The following TNPO1 variants were observed in gnomAD, a reference collection of about 807,000 sequenced individuals.
TNPO1 encodes the protein transportin-1.
In TNPO1, 8 loss-of-function variants were observed where a neutral mutation model predicts 119.5. The ratio of observed to expected loss-of-function variants is 0.07; its 90% CI spans 0.04 to 0.12. The LOEUF is 0.12. TNPO1 is among the 10% of genes least tolerant of loss of function. TNPO1 has a pLI of 1.00. For missense variants in TNPO1, 576 were observed against 1,089.8 expected, an observed-to-expected ratio of 0.53 and a Z score of 6.64; for synonymous variants, 362 against 363.0, an observed-to-expected ratio of 1.00 and a Z score of 0.03.
At chr5:72,884,237 C>A (rs1191259808) in intron 11 of TNPO1, among the ~76,000 whole-genome samples, 1 of 152,080 alleles carries the variant, frequency 6.6e-6, no homozygotes, top group Non-Finnish European at 1.5e-5. Flanking sequence ...TTTATTATCT[C>A]TTTATTATTA....
chr5:72,913,966 TG>T lies in TNPO1; in HGVS notation c.*5296del, dbSNP rs1336138799. 11 of 152,568 alleles carry T rather than the reference TG, an allele frequency of 7.2e-5. No homozygotes were observed. Among genetic ancestry groups the T allele is most frequent in the Admixed American group, 3.3e-4 (5 of 15,276 alleles). 9.5% of individuals were successfully genotyped at this position (152,568 alleles called of 1,614,324 possible). ...AGTTTTACACTTAATATGTTAACATTGGGTGCAATAATTTAGTAGCATTAGC... is the reference window on the plus strand; with the variant it reads ...AGTTTTACACTTAATATGTTAACATTGGTGCAATAATTTAGTAGCATTAGC... On this transcript the variant is annotated 3_prime_UTR_variant, in exon 25 of 25. Coordinates refer to ENST00000337273, the MANE Select transcript of TNPO1 (RefSeq NM_002270.4).
chr5:72,877,009 G>T lies in TNPO1; in HGVS notation c.802-219G>T, dbSNP rs1232376234. Among the ~76,000 whole-genome samples, 3 of 150,094 alleles carry T rather than the reference G, an allele frequency of 2.0e-5. No individual in the cohort carries two copies. In the East Asian group the frequency reaches 5.9e-4, roughly 29 times the overall value. ...ATTCGGGAGGCTGAGGCAGGAGAAT[G>T]GCATGAACCCAGGAGGCAGAGCTTG... On this transcript the variant is annotated intron_variant, in intron 8 of 24. Coordinates refer to ENST00000337273, the MANE Select transcript of TNPO1 (RefSeq NM_002270.4).
intron 3 of TNPO1, among the ~76,000 whole-genome samples, chr5:72,855,161 A>G (rs1378915427): frequency 6.6e-6 from 1 of 151,866 alleles, no homozygotes; most frequent in African/African-American, 2.4e-5. Flanking sequence ...ATGCCTGGCT[A>G]ATTTGGGGGT....
At position 72,910,978 on chromosome 5, in the gene TNPO1, C is replaced by G. The variant is rs1296967745; in HGVS notation, c.*2305C>G. On this transcript the variant is annotated 3_prime_UTR_variant, in exon 25 of 25. Coordinates refer to ENST00000337273, the MANE Select transcript of TNPO1 (RefSeq NM_002270.4). ...ATTTTGTTTTCTAGTACCATTGCTT[C>G]ACTGGGAGCTCAAAATTTGCCTCCC... is the stretch of plus-strand genomic sequence containing the variant. 2.6e-5 allele frequency: 4 copies of G among 152,044 alleles called. No individual in the cohort carries two copies. Among genetic ancestry groups the G allele is most frequent in the Non-Finnish European group, 5.9e-5 (4 of 67,944 alleles). The allele number at this position is 152,044 out of a possible 1,614,324, so 9.4% of individuals were successfully genotyped here. A position where few individuals can be genotyped will look rare whatever the true frequency, so the allele number is the denominator to read the frequency against.
chr5:72,830,927 G>T (rs1172518377), intron 1 of TNPO1, among the ~76,000 whole-genome samples: 1 of 152,094 alleles, frequency 6.6e-6, no homozygotes, highest in Non-Finnish European at 1.5e-5. Context: ...GTCATGAATG[G>T]TATCTACCTT....
rs1189135044 is a variant in TNPO1, at chr5:72,863,502, G to C, written c.462+1588G>C. Among the ~76,000 whole-genome samples the C allele has an allele frequency of 2.0e-5, 3 of 152,254 alleles. No homozygotes were observed. The East Asian group carries it at 5.8e-4, about 29-fold the overall frequency. On this transcript the variant is annotated intron_variant, in intron 5 of 24. Coordinates refer to ENST00000337273, the MANE Select transcript of TNPO1 (RefSeq NM_002270.4). ...CAGGAGGCTGTGGTGGCTCACACCT[G>C]TAATCCCAGCACTTTGGGAGACTGA...
Position 72,908,945 on chromosome 5 carries a change from G to GAA in TNPO1, c.*272_*273insAA. On this transcript the variant is annotated 3_prime_UTR_variant, in exon 25 of 25. Coordinates refer to ENST00000337273, the MANE Select transcript of TNPO1 (RefSeq NM_002270.4). ...ACAACTCCGCAGTGGATGTGAAGAAGCAAAAAAAAAAAAATCTATTCAGTC... is the reference window on the plus strand; with the variant it reads ...ACAACTCCGCAGTGGATGTGAAGAAGAACAAAAAAAAAAAAATCTATTCAGTC... 3 of 408,930 alleles carry GAA rather than the reference G, an allele frequency of 7.3e-6. No individual in the cohort carries two copies. Among genetic ancestry groups the GAA allele is most frequent in the South Asian group, 1.8e-5 (1 of 56,738 alleles). The allele number at this position is 408,930 out of a possible 1,614,324, so 25.3% of individuals were successfully genotyped here.
chr5:72,852,731 G>C (rs1047709450), intron 3 of TNPO1, among the ~76,000 whole-genome samples: 5 of 152,182 alleles, frequency 3.3e-5, no homozygotes, highest in Non-Finnish European at 5.9e-5. Context: ...CTTGCACGGT[G>C]ATTTCTTTTG....
chr5:72,869,265 G>A (rs1379191642), intron 6 of TNPO1, among the ~76,000 whole-genome samples: 3 of 152,048 alleles, frequency 2.0e-5, no homozygotes. Context: ...AATAATAAAT[G>A]GCAGGGCGTA....
chr5:72,895,158 A>C (rs1416962853), intron 18 of TNPO1, among the ~76,000 whole-genome samples: 1 of 152,068 alleles, frequency 6.6e-6, no homozygotes, highest in Non-Finnish European at 1.5e-5. Flanking sequence ...CATGTTTTTT[A>C]TTCTAAAGAG....
intron 10 of TNPO1, 87 bp downstream of exon 10, chr5:72,882,614 A>G (rs1748326488): frequency 2.3e-6 from 2 of 861,706 alleles, no homozygotes; most frequent in Non-Finnish European, 3.7e-6. Flanking sequence ...ACATTCATTG[A>G]GAATAGATCT....
intron 14 of TNPO1, 123 bp downstream of exon 14, chr5:72,890,080 A>G: frequency 1.9e-6 from 2 of 1,057,286 alleles, no homozygotes; most frequent in Non-Finnish European, 2.8e-6. Flanking sequence ...TAGCTACTTT[A>G]AGAGTATAGA....
chr5:72,844,738 T>C (rs1230738399), intron 1 of TNPO1, among the ~76,000 whole-genome samples: 3 of 152,204 alleles, frequency 2.0e-5, no homozygotes, highest in African/African-American at 7.2e-5. Context: ...TCACTGCTAC[T>C]AAGTGGAAGA....
intron 11 of TNPO1, among the ~76,000 whole-genome samples, chr5:72,883,842 T>A (rs1051408311): frequency 6.6e-6 from 1 of 152,138 alleles, no homozygotes; most frequent in Non-Finnish European, 1.5e-5. Flanking sequence ...CTCCCTGGGC[T>A]CTGGTGATCC....
chr5:72,907,421 C>A (rs1285895566), intron 24 of TNPO1, among the ~76,000 whole-genome samples: 3 of 152,040 alleles, frequency 2.0e-5, no homozygotes, highest in Non-Finnish European at 2.9e-5. Flanking sequence ...CCTTTTTGTA[C>A]TCCTCTTCCT....
At chr5:72,835,941 G>C (rs1156364511) in intron 1 of TNPO1, among the ~76,000 whole-genome samples, 1 of 152,304 alleles carries the variant, frequency 6.6e-6, no homozygotes, top group South Asian at 2.1e-4. Flanking sequence ...AAATCTTAAG[G>C]CTCCAGAATA....
chr5:72,893,813 A>G, intron 18 of TNPO1, 110 bp downstream of exon 18: 1 of 1,022,688 alleles, frequency 9.8e-7, no homozygotes, highest in Non-Finnish European at 1.5e-6. Context: ...ACATTTATAA[A>G]TGTACACTTT....
intron 21 of TNPO1, 125 bp from the exon 22 acceptor site, chr5:72,900,849 G>C (rs767549880): frequency 5.6e-6 from 3 of 533,552 alleles, no homozygotes; most frequent in Non-Finnish European, 9.1e-6. Flanking sequence ...AAAGCTTTCC[G>C]AAAAACTCTT....
intron 1 of TNPO1, among the ~76,000 whole-genome samples, chr5:72,827,917 CAAA>C: frequency 1.3e-5 from 1 of 79,344 alleles, no homozygotes; most frequent in African/African-American, 5.0e-5. Context: ...GAGATCCTGC[CAAA>C]AAAAAAAAAA....
Sources: allele counts gnomAD v4.1 joint callset (sites outside exome capture counted in the v4.1 genomes callset), GRCh38; gene constraint gnomAD v4.1.1; transcripts MANE v1.5; gene names NCBI Gene and HGNC (gene_info 2026-07-23, HGNC 2026-07-21).